The following PHLPP1 variants were observed in gnomAD, a reference collection of about 807,000 sequenced individuals.
The protein encoded by PHLPP1 is PH domain and leucine rich repeat protein phosphatase 1.
A neutral mutation model predicts 117.2 loss-of-function variants in PHLPP1; 42 were observed. The observed-to-expected ratio is 0.36, with a 90% CI of 0.28 to 0.46. The LOEUF (loss-of-function observed/expected upper bound fraction) is 0.46, where lower values mean the gene tolerates loss of function less well. Ranked by LOEUF, PHLPP1 falls within the 20% of genes least tolerant of loss-of-function variation. PHLPP1 has a pLI of 1.00. For missense variants in PHLPP1, 2,084 were observed against 2,241.9 expected, an observed-to-expected ratio of 0.93 and a Z score of 1.42; for synonymous variants, 1,042 against 970.7, an observed-to-expected ratio of 1.07 and a Z score of -1.37.
chr18:62,832,700 A>G (rs1914789980), intron 2 of PHLPP1, among the ~76,000 whole-genome samples: 8 of 152,172 alleles, frequency 5.3e-5, no homozygotes. Flanking sequence ...TTAGGGAAAA[A>G]TAATTGATTT....
chr18:62,937,855 T>C (rs1231932534), intron 10 of PHLPP1, among the ~76,000 whole-genome samples: 2 of 152,000 alleles, frequency 1.3e-5, no homozygotes, highest in African/African-American at 4.8e-5. Flanking sequence ...CTGCTAAAAA[T>C]ACAAAAATTA....
At chr18:62,926,856 TAAAA>T (rs1909642519) in intron 10 of PHLPP1, among the ~76,000 whole-genome samples, 1 of 152,068 alleles carries the variant, frequency 6.6e-6, no homozygotes, top group African/African-American at 2.4e-5. Flanking sequence ...AATTTATAAA[TAAAA>T]AGAGAAATAA....
chr18:62,753,073 A>G (rs971991155), intron 1 of PHLPP1, among the ~76,000 whole-genome samples: 7 of 152,268 alleles, frequency 4.6e-5, no homozygotes, highest in African/African-American at 1.4e-4. Flanking sequence ...CTAGATGCAT[A>G]GGAAACCAGG....
At chr18:62,919,835 A>T in intron 9 of PHLPP1, 124 bp from the exon 10 acceptor site, 1 of 698,864 alleles carries the variant, frequency 1.4e-6, no homozygotes, top group Non-Finnish European at 2.4e-6. Flanking sequence ...AAATAGTTTC[A>T]AGTTTGAATT....
At chr18:62,760,048 G>T (rs1175290025) in intron 1 of PHLPP1, among the ~76,000 whole-genome samples, 1 of 152,196 alleles carries the variant, frequency 6.6e-6, no homozygotes, top group Non-Finnish European at 1.5e-5. Flanking sequence ...AGAAATGATA[G>T]TAGTGCCCCC....
chr18:62,742,755 C>G (rs756308147), intron 1 of PHLPP1, among the ~76,000 whole-genome samples: 3 of 152,070 alleles, frequency 2.0e-5, no homozygotes, highest in African/African-American at 4.8e-5. Flanking sequence ...TTATCGGAAG[C>G]TCTATTTTAC....
At chr18:62,802,670 A>G (rs919751161) in intron 1 of PHLPP1, among the ~76,000 whole-genome samples, 6 of 152,184 alleles carry the variant, frequency 3.9e-5, no homozygotes, top group Non-Finnish European at 7.3e-5. Flanking sequence ...TAAAACACAT[A>G]TGTACATGTT....
At position 62,972,694 on chromosome 18, in the gene PHLPP1, C is replaced by G. The variant is rs1422058193; in HGVS notation, c.3741C>G (p.Phe1247Leu). ...AAGAAGAATACATGGTCAATACATT[C>G]ATTGTCATGCAAAGGTAAAACTCAG... ...KNEEEYMVNTFIVMQRKLGTA... is the reference protein window; with the variant it reads ...KNEEEYMVNTLIVMQRKLGTA... Residue 1247 changes from phenylalanine to leucine, a missense_variant, in exon 15 of 17, where the codon TTC becomes TTG. Physicochemically the swap from Phe to Leu is conservative, Grantham distance 22 (BLOSUM62 0). This residue lies in a region of PHLPP1 where 1,365 missense variants were observed against 1,605.9 expected (regional missense o/e 0.85). Coordinates refer to ENST00000262719, the MANE Select transcript of PHLPP1 (RefSeq NM_194449.4). The G allele has an allele frequency of 6.2e-7, 1 of 1,611,350 alleles. No homozygotes were observed.
Position 62,764,457 on chromosome 18 carries a change from C to G in PHLPP1, c.1576+47198C>G, listed in dbSNP as rs1021607169. On this transcript the variant is annotated intron_variant, in intron 1 of 16. Coordinates refer to ENST00000262719, the MANE Select transcript of PHLPP1 (RefSeq NM_194449.4). ...TTGGGGATGAACCAAAATGGGGATG[C>G]TAGTCACACTTAACGTTCATCTTGG... is the stretch of plus-strand genomic sequence containing the variant. Among the ~76,000 whole-genome samples, 5 of 150,942 alleles carry G rather than the reference C, an allele frequency of 3.3e-5. 1 individual carries two copies. The highest frequency in any genetic ancestry group is 1.3e-4 in the Admixed American group (2 of 15,176).
chr18:62,725,763 T>G (rs1301608646), intron 1 of PHLPP1, among the ~76,000 whole-genome samples: 1 of 152,244 alleles, frequency 6.6e-6, no homozygotes, highest in African/African-American at 2.4e-5. Flanking sequence ...AGATTTCATT[T>G]TAATTTAATT....
In PHLPP1 at chr18:62,979,729, T is replaced by C; in HGVS notation, c.*298T>C. ...TAATATATTACAGAGAAACAGTTAA[T>C]GATAATGTAATATTTTTTAAAATGG... On this transcript the variant is annotated 3_prime_UTR_variant, in exon 17 of 17. Coordinates refer to ENST00000262719, the MANE Select transcript of PHLPP1 (RefSeq NM_194449.4). 1 of 311,676 alleles carries C rather than the reference T, an allele frequency of 3.2e-6. No homozygotes were observed. The highest frequency in any genetic ancestry group is 5.9e-6 in the Non-Finnish European group (1 of 170,696). The allele number at this position is 311,676 out of a possible 1,614,324, so 19.3% of individuals were successfully genotyped here. A position where few individuals can be genotyped will look rare whatever the true frequency, so the allele number is the denominator to read the frequency against.
chr18:62,931,053 C>T (rs140317007), intron 10 of PHLPP1, among the ~76,000 whole-genome samples: 178 of 151,920 alleles, frequency 1.2e-3, no homozygotes, highest in African/African-American at 4.1e-3. Context: ...AAAAATTAGC[C>T]GGGAATGGTG....
chr18:62,881,785 G>A (rs184073035), intron 4 of PHLPP1, among the ~76,000 whole-genome samples: 4 of 152,324 alleles, frequency 2.6e-5, no homozygotes, highest in African/African-American at 9.6e-5. Context: ...AGTCATATAG[G>A]GACGACAGGA....
At chr18:62,796,734 A>C (rs576243069) in intron 1 of PHLPP1, among the ~76,000 whole-genome samples, 1 of 152,258 alleles carries the variant, frequency 6.6e-6, no homozygotes, top group Non-Finnish European at 1.5e-5. Context: ...CAAAGACAAG[A>C]GAAAGCATTT....
chr18:62,791,159 G>A (rs1913445096), intron 1 of PHLPP1, among the ~76,000 whole-genome samples: 1 of 152,018 alleles, frequency 6.6e-6, no homozygotes, highest in Non-Finnish European at 1.5e-5. Flanking sequence ...AATAATTAGT[G>A]GTTGATTTGT....
chr18:62,917,613 C>T (rs985047996), intron 9 of PHLPP1, among the ~76,000 whole-genome samples: 2 of 151,838 alleles, frequency 1.3e-5, no homozygotes, highest in African/African-American at 2.4e-5. Context: ...CCCAGGAGTT[C>T]AAGACCAGCC....
At chr18:62,774,083 G>A (rs565847578) in intron 1 of PHLPP1, among the ~76,000 whole-genome samples, 26 of 152,036 alleles carry the variant, frequency 1.7e-4, no homozygotes, top group Non-Finnish European at 3.2e-4. Context: ...TTGTGGGTGG[G>A]GGCACAAACA....
Position 62,966,802 on chromosome 18 carries a change from G to T in PHLPP1, c.3560+3330G>T, listed in dbSNP as rs371921251. ...AGTTTTGGTAAAAGAATATCATCATGTGTAACCACCACTGCAGGTTATAGA... is the reference window on the plus strand; with the variant it reads ...AGTTTTGGTAAAAGAATATCATCATTTGTAACCACCACTGCAGGTTATAGA... On this transcript the variant is annotated intron_variant, in intron 14 of 16. Coordinates refer to ENST00000262719, the MANE Select transcript of PHLPP1 (RefSeq NM_194449.4). Among the ~76,000 whole-genome samples the T allele has an allele frequency of 6.2e-4, 95 of 152,212 alleles. No homozygotes were observed. In the Middle Eastern group the frequency reaches 0.031, roughly 49 times the overall value.
At chr18:62,800,041 G>T (rs1245317921) in intron 1 of PHLPP1, among the ~76,000 whole-genome samples, 1 of 152,136 alleles carries the variant, frequency 6.6e-6, no homozygotes, top group African/African-American at 2.4e-5. Flanking sequence ...GAGATTTATA[G>T]AACCTAGCAG....
Sources: gnomAD v4.1 joint callset for allele counts (sites outside exome capture counted in the v4.1 genomes callset) on GRCh38, gnomAD v4.1.1 for gene constraint, gnomAD v4.1.1 regional missense constraint, MANE v1.5 for transcripts, NCBI Gene and HGNC (gene_info 2026-07-23, HGNC 2026-07-21) for gene names.